Variants in ATP6V0D1 observed in about 807,000 individuals in gnomAD.
ATP6V0D1 encodes ATPase H+ transporting V0 subunit d1, also known as V-type proton ATPase subunit d 1.
Under a neutral mutation model 39.0 loss-of-function variants are expected in ATP6V0D1, and 13 were observed. The ratio of observed to expected loss-of-function variants is 0.33; its 90% CI spans 0.22 to 0.53. The LOEUF is 0.53. ATP6V0D1 is among the 20% of genes least tolerant of loss of function. ATP6V0D1 has a pLI of 0.94. For synonymous variants in ATP6V0D1, 191 were observed against 191.2 expected (o/e 1.00, Z 0.01); for missense variants, 272 against 470.9 (o/e 0.58, Z 3.91).
Position 67,444,035 on chromosome 16 carries a change from C to T in ATP6V0D1, c.481+493G>A, listed in dbSNP as rs2041086030. 6.6e-6 allele frequency among the ~76,000 whole-genome samples: 1 copy of T among 152,244 alleles called. No homozygotes were observed. The highest frequency in any genetic ancestry group is 6.5e-5 in the Admixed American group (1 of 15,286). On this transcript the variant is annotated intron_variant, in intron 3 of 7. Coordinates refer to ENST00000290949, the MANE Select transcript of ATP6V0D1 (RefSeq NM_004691.5). The surrounding 1 kb of genome is among the most constrained non-coding windows in gnomAD (Gnocchi z 4.8). Reference sequence around the variant, plus strand: ...GCTCTTGATTCCCCTTCCCTGGCTTCTGATACGGACCTTGCATCCTGCTGG... The same window carrying T: ...GCTCTTGATTCCCCTTCCCTGGCTTTTGATACGGACCTTGCATCCTGCTGG...
intron 1 of ATP6V0D1, chr16:67,457,387 C>T: frequency 1.1e-5 from 4 of 353,908 alleles, no homozygotes; most frequent in Non-Finnish European, 2.2e-5. Flanking sequence ...CACTCTGCAC[C>T]TCCTTTACCG....
chr16:67,446,162 T>C (rs2142303985), intron 2 of ATP6V0D1, among the ~76,000 whole-genome samples: 1 of 151,810 alleles, frequency 6.6e-6, no homozygotes, highest in Non-Finnish European at 1.5e-5. Flanking sequence ...GGAGGGGAGG[T>C]GGCAGCCCAG....
intron 4 of ATP6V0D1, among the ~76,000 whole-genome samples, chr16:67,442,468 T>A (rs1413343626): frequency 4.8e-4 from 69 of 143,378 alleles, no homozygotes; most frequent in East Asian, 1.8e-3. Context: ...TTTTTTTTTT[T>A]AAATTTTTAA....
chr16:67,461,021 C>A (rs1222889540), intron 1 of ATP6V0D1, among the ~76,000 whole-genome samples: 1 of 152,212 alleles, frequency 6.6e-6, no homozygotes, highest in Non-Finnish European at 1.5e-5. Flanking sequence ...CCTCCCAGGG[C>A]ACTGCACAGA....
intron 1 of ATP6V0D1, among the ~76,000 whole-genome samples, chr16:67,468,487 C>G (rs1324062385): frequency 6.6e-6 from 1 of 150,766 alleles, no homozygotes; most frequent in Non-Finnish European, 1.5e-5. Flanking sequence ...ACTTGGGGGG[C>G]TGAGTTGGGA....
At chr16:67,448,315 T>C (rs2041140357) in intron 2 of ATP6V0D1, among the ~76,000 whole-genome samples, 1 of 151,134 alleles carries the variant, frequency 6.6e-6, no homozygotes, top group Non-Finnish European at 1.5e-5. Flanking sequence ...ATCATGCCAC[T>C]GCACTCCAGC....
At chr16:67,470,593 C>G (rs1453558718) in intron 1 of ATP6V0D1, among the ~76,000 whole-genome samples, 1 of 152,192 alleles carries the variant, frequency 6.6e-6, no homozygotes, top group Non-Finnish European at 1.5e-5. Flanking sequence ...TATGAGCCAA[C>G]AGATGGCCTG....
Position 67,453,786 on chromosome 16 carries a change from C to T in ATP6V0D1, c.131-71G>A, listed in dbSNP as rs2041208528. 2.0e-6 allele frequency: 3 copies of T among 1,464,530 alleles called. No homozygotes were observed. The highest frequency in any genetic ancestry group is 2.3e-5 in the East Asian group (1 of 43,932). The allele number at this position is 1,464,530 out of a possible 1,614,324, so 90.7% of individuals were successfully genotyped here. On this transcript the variant is annotated intron_variant, in intron 1 of 7. Transcript: ENST00000290949. This position sits in a 1 kb window ranked among gnomAD's most constrained non-coding sequence, Gnocchi z 4.1. Reference sequence around the variant, plus strand: ...CCCAAGGGTCCCAAGTCCCCATCCCCACCCCAACTCAGCCCCAGCTCTCCC... The same window carrying T: ...CCCAAGGGTCCCAAGTCCCCATCCCTACCCCAACTCAGCCCCAGCTCTCCC...
chr16:67,444,384 A>G lies in ATP6V0D1; in HGVS notation c.481+144T>C. 1 of 823,466 alleles carries G rather than the reference A, an allele frequency of 1.2e-6. No individual in the cohort carries two copies. The highest frequency in any genetic ancestry group is 1.8e-6 in the Non-Finnish European group (1 of 548,164). The allele number at this position is 823,466 out of a possible 1,614,324, so 51.0% of individuals were successfully genotyped here. On this transcript the variant is annotated intron_variant, in intron 3 of 7. Coordinates refer to ENST00000290949, the MANE Select transcript of ATP6V0D1 (RefSeq NM_004691.5). This position sits in a 1 kb window ranked among gnomAD's most constrained non-coding sequence, Gnocchi z 4.8. Reference sequence around the variant, plus strand: ...AAGTGAGGAGAGAATCGGAGGAGGAAGTTGAAGGGAGACAAAGGTAAGCAG... The same window carrying G: ...AAGTGAGGAGAGAATCGGAGGAGGAGGTTGAAGGGAGACAAAGGTAAGCAG...
Position 67,447,302 on chromosome 16 carries a change from G to C in ATP6V0D1, c.303-2596C>G, listed in dbSNP as rs528945851. Among the ~76,000 whole-genome samples, 8 of 152,342 alleles carry C rather than the reference G, an allele frequency of 5.3e-5. No homozygotes were observed. Among genetic ancestry groups the C allele is most frequent in the African/African-American group, 1.9e-4 (8 of 41,586 alleles). On this transcript the variant is annotated intron_variant, in intron 2 of 7. Transcript: ENST00000290949. This position sits in a 1 kb window ranked among gnomAD's most constrained non-coding sequence, Gnocchi z 4.1. ...TGCTGCAGCCCTGCTTTTCTCTCCTGCCCAGTGAGGGGCAGAATCCTCTTT... is the reference window on the plus strand; with the variant it reads ...TGCTGCAGCCCTGCTTTTCTCTCCTCCCCAGTGAGGGGCAGAATCCTCTTT...
intron 2 of ATP6V0D1, chr16:67,452,429 G>C (rs148762063): frequency 7.2e-6 from 11 of 1,531,718 alleles, no homozygotes; most frequent in African/African-American, 1.4e-5. Context: ...GCTCCTAACT[G>C]CAGGGGATAA....
intron 2 of ATP6V0D1, among the ~76,000 whole-genome samples, chr16:67,448,901 A>G (rs1309082871): frequency 1.3e-5 from 2 of 152,200 alleles, no homozygotes; most frequent in African/African-American, 4.8e-5. Context: ...CAGCAGGCCT[A>G]CAGCCCCCAA....
At position 67,452,214 on chromosome 16, in the gene ATP6V0D1, C is replaced by T. The variant is rs1470115962; in HGVS notation, c.302+1330G>A. On this transcript the variant is annotated intron_variant, in intron 2 of 7. Transcript: ENST00000290949. ...AGACACCCCATTACCAGCCTCCTGC[C>T]CCAGTAGGTCCATGTTGGCATACCT... is the stretch of plus-strand genomic sequence containing the variant. The T allele has an allele frequency of 6.5e-6, 10 of 1,533,396 alleles. No individual in the cohort carries two copies. The South Asian group carries it at 1.2e-4, about 18-fold the overall frequency. The allele number at this position is 1,533,396 out of a possible 1,614,324, so 95.0% of individuals were successfully genotyped here.
Position 67,462,330 on chromosome 16 carries a change from G to A in ATP6V0D1, c.131-8615C>T, listed in dbSNP as rs2041295067. ...GTTGATGCCCTGCACTTTGACCGAA[G>A]CAAGCTATTTCTTCTCCAGGTTTGC... On this transcript the variant is annotated intron_variant, in intron 1 of 7. Transcript: ENST00000290949. 2.0e-5 allele frequency among the ~76,000 whole-genome samples: 3 copies of A among 152,258 alleles called. No individual in the cohort carries two copies. The South Asian group carries it at 6.2e-4, about 31-fold the overall frequency.
intron 1 of ATP6V0D1, among the ~76,000 whole-genome samples, chr16:67,474,150 C>T (rs2041396815): frequency 6.6e-6 from 1 of 152,196 alleles, no homozygotes. Flanking sequence ...ATTAGCCACT[C>T]AAGGCCCACC....
intron 1 of ATP6V0D1, among the ~76,000 whole-genome samples, chr16:67,474,349 G>A (rs1174426526): frequency 1.3e-5 from 2 of 152,222 alleles, no homozygotes; most frequent in East Asian, 1.9e-4. Flanking sequence ...TTAAGTGGCT[G>A]CGCTGGGATC....
chr16:67,448,360 A>G (rs2041140851), intron 2 of ATP6V0D1, among the ~76,000 whole-genome samples: 1 of 151,908 alleles, frequency 6.6e-6, no homozygotes, highest in Non-Finnish European at 1.5e-5. Flanking sequence ...CTCAAAAAAT[A>G]AAATAAATAG....
intron 1 of ATP6V0D1, 111 bp downstream of exon 1, chr16:67,480,846 G>C (rs2041466932): frequency 1.6e-5 from 23 of 1,446,496 alleles, no homozygotes; most frequent in Admixed American, 2.2e-5. Flanking sequence ...AGGATTCCCA[G>C]AGAGGCCTCT....
chr16:67,456,803 G>T lies in ATP6V0D1; in HGVS notation c.131-3088C>A. 1 of 152,504 alleles carries T rather than the reference G, an allele frequency of 6.6e-6. No individual in the cohort carries two copies. The highest frequency in any genetic ancestry group is 1.5e-5 in the Non-Finnish European group (1 of 68,172). 9.4% of individuals were successfully genotyped at this position (152,504 alleles called of 1,614,324 possible). ...CACTATTCCCTGGGACTGGGAGTCT[G>T]GACCCCGGTCTGGCCTCCTGATCCC... On this transcript the variant is annotated intron_variant, in intron 1 of 7. Transcript: ENST00000290949. The surrounding 1 kb of genome is among the most constrained non-coding windows in gnomAD (Gnocchi z 4.1).
Sources: allele counts gnomAD v4.1 joint callset (sites outside exome capture counted in the v4.1 genomes callset), GRCh38; gene constraint gnomAD v4.1.1; non-coding constraint Gnocchi (gnomAD v3.1); transcripts MANE v1.5; gene names NCBI Gene and HGNC (gene_info 2026-07-23, HGNC 2026-07-21).